Variants in GSE1 observed in about 807,000 individuals in gnomAD.
GSE1 encodes the protein genetic suppressor element 1.
Under a neutral mutation model 112.6 loss-of-function variants are expected in GSE1, and 32 were observed. The observed-to-expected ratio is 0.28, with a 90% CI of 0.21 to 0.38. The LOEUF (loss-of-function observed/expected upper bound fraction) is 0.38. Ranked by LOEUF, GSE1 falls within the 10% of genes least tolerant of loss-of-function variation. The probability of loss-of-function intolerance (pLI) is 1.00; values close to 1 mark genes in which losing one functional copy is unlikely to be tolerated. For synonymous variants in GSE1, 1,115 were observed against 735.6 expected, an observed-to-expected ratio of 1.52 and a Z score of -8.35; for missense variants, 2,348 against 1,699.2, an observed-to-expected ratio of 1.38 and a Z score of -6.71.
intron 1 of GSE1, among the ~76,000 whole-genome samples, chr16:85,180,146 C>T (rs562827793): frequency 1.2e-4 from 19 of 152,362 alleles, no homozygotes; most frequent in Non-Finnish European, 5.9e-5. Flanking sequence ...TGCTGCCTGG[C>T]CTGTCTGGCG....
At position 85,674,869 on chromosome 16, in the gene GSE1, C is replaced by CT. The variant is rs2053596138; in HGVS notation, c.*2331dup. 6.5e-6 allele frequency: 1 copy of CT among 152,714 alleles called. No homozygotes were observed. Among genetic ancestry groups the CT allele is most frequent in the Non-Finnish European group, 1.5e-5 (1 of 68,056 alleles). 9.5% of individuals were successfully genotyped at this position (152,714 alleles called of 1,614,324 possible). On this transcript the variant is annotated 3_prime_UTR_variant, in exon 16 of 16. Transcript: ENST00000253458. ...GGCCCTTGAGCTTCTTGCCCACTGT[C>CT]TCCCCATCCTTCCACCTACTTGTGG...
chr16:85,393,102 G>A (rs1191283370), intron 2 of GSE1, among the ~76,000 whole-genome samples: 3 of 152,326 alleles, frequency 2.0e-5, no homozygotes, highest in Admixed American at 6.5e-5. Context: ...GCTGCCTCTT[G>A]GAGGTCGGAA....
intron 2 of GSE1, among the ~76,000 whole-genome samples, chr16:85,467,621 G>C (rs1432443665): frequency 6.6e-6 from 1 of 152,094 alleles, no homozygotes; most frequent in East Asian, 1.9e-4. Flanking sequence ...ATCTTACTTG[G>C]CTCCCAGAGC....
At chr16:85,392,532 C>T (rs1023869215) in intron 2 of GSE1, among the ~76,000 whole-genome samples, 1 of 152,122 alleles carries the variant, frequency 6.6e-6, no homozygotes, top group South Asian at 2.1e-4. Flanking sequence ...TTCTAAAGCC[C>T]ATCAAACTGT....
intron 2 of GSE1, among the ~76,000 whole-genome samples, chr16:85,382,919 T>G (rs541557216): frequency 6.7e-6 from 1 of 149,050 alleles, no homozygotes; most frequent in Non-Finnish European, 1.5e-5. Context: ...CACACATACA[T>G]GCACACACGC....
At chr16:85,620,656 C>G (rs1175917876) in intron 1 of GSE1, among the ~76,000 whole-genome samples, 1 of 152,290 alleles carries the variant, frequency 6.6e-6, no homozygotes, top group South Asian at 2.1e-4. Context: ...GGAATCAGCC[C>G]TTGTGGAATG....
chr16:85,339,484 A>G (rs2046578111), intron 1 of GSE1, among the ~76,000 whole-genome samples: 1 of 150,328 alleles, frequency 6.7e-6, no homozygotes, highest in Non-Finnish European at 1.5e-5. Flanking sequence ...TCCCCTTTCC[A>G]CCCCAACTGG....
chr16:85,489,000 A>G (rs906856340), intron 2 of GSE1, among the ~76,000 whole-genome samples: 1 of 152,102 alleles, frequency 6.6e-6, no homozygotes, highest in Non-Finnish European at 1.5e-5. Context: ...TCCATGAGGC[A>G]ACATGGTACA....
At chr16:85,290,193 C>T (rs2045166242) in intron 1 of GSE1, among the ~76,000 whole-genome samples, 1 of 152,146 alleles carries the variant, frequency 6.6e-6, no homozygotes, top group Non-Finnish European at 1.5e-5. Flanking sequence ...TTGTGGCACT[C>T]CTGAGGGCAG....
upstream of GSE1, chr16:85,555,770 GAGGAGAGATTGCTACTCGC>G: frequency 1.1e-5 from 11 of 979,452 alleles, no homozygotes; most frequent in Non-Finnish European, 1.3e-5. Flanking sequence ...TGGCTGAATG[GAGGAGAGATTGCTACTCGC>G]ACGTCCTGGG....
chr16:85,196,147 C>G (rs866814547), intron 1 of GSE1, among the ~76,000 whole-genome samples: 2 of 152,144 alleles, frequency 1.3e-5, no homozygotes, highest in South Asian at 4.1e-4. Context: ...TTAAGAAAAA[C>G]GTATGGTTTC....
At chr16:85,478,863 C>G (rs1236070481) in intron 2 of GSE1, among the ~76,000 whole-genome samples, 2 of 30,272 alleles carry the variant, frequency 6.6e-5, no homozygotes, top group Admixed American at 3.8e-4. Flanking sequence ...TTCTTTCTTT[C>G]TTTCTTTCTT....
At chr16:85,267,499 G>T (rs562173220) in intron 1 of GSE1, among the ~76,000 whole-genome samples, 1 of 152,070 alleles carries the variant, frequency 6.6e-6, no homozygotes, top group East Asian at 1.9e-4. Context: ...ATGTGCGCAC[G>T]CATGTACAGG....
In GSE1 at chr16:85,661,706, G is replaced by C. The variant is rs751613874; in HGVS notation, c.2201G>C (p.Arg734Pro). The change falls in exon 9 of 16, where the codon CGG (arginine) becomes CCG (proline). Residue 734 changes from arginine (R) to proline (P), a missense_variant. Physicochemically the swap from Arg to Pro is moderately radical, Grantham distance 103. Transcript: ENST00000253458. Reference sequence around the variant, plus strand: ...TATGATGAGTTCCTGCAGCAGCGCCGGAGGCTGGTCAGCAAGCTGGACCTG... The same window carrying C: ...TATGATGAGTTCCTGCAGCAGCGCCCGAGGCTGGTCAGCAAGCTGGACCTG... ...YIYDEFLQQR[R>P]RLVSKLDLEE... 6.3e-7 allele frequency: 1 copy of C among 1,598,346 alleles called. No homozygotes were observed. Among genetic ancestry groups the C allele is most frequent in the Non-Finnish European group, 8.5e-7 (1 of 1,172,412 alleles).
At chr16:85,294,695 C>T (rs2045320711) in intron 1 of GSE1, among the ~76,000 whole-genome samples, 1 of 147,286 alleles carries the variant, frequency 6.8e-6, no homozygotes, top group Admixed American at 6.8e-5. Context: ...CCCTCCCCAC[C>T]CCCCACCAAA....
intron 1 of GSE1, among the ~76,000 whole-genome samples, chr16:85,620,096 G>A (rs972109183): frequency 6.6e-6 from 1 of 152,122 alleles, no homozygotes; most frequent in African/African-American, 2.4e-5. Context: ...TGCAGTTTAA[G>A]ACCTCCTCTC....
chr16:85,364,377 T>A (rs2047143706), intron 2 of GSE1, among the ~76,000 whole-genome samples: 1 of 152,212 alleles, frequency 6.6e-6, no homozygotes, highest in South Asian at 2.1e-4. Flanking sequence ...GTCAGCTGGT[T>A]AGCAACCTTA....
At chr16:85,584,636 C>A (rs1485490266) in intron 1 of GSE1, among the ~76,000 whole-genome samples, 1 of 152,088 alleles carries the variant, frequency 6.6e-6, no homozygotes, top group African/African-American at 2.4e-5. Context: ...TTGGCGAAAG[C>A]CATCTGAGGC....
chr16:85,569,506 G>A (rs1232440663), intron 1 of GSE1, among the ~76,000 whole-genome samples: 1 of 152,234 alleles, frequency 6.6e-6, no homozygotes, highest in Non-Finnish European at 1.5e-5. Flanking sequence ...GCTGCTGTGA[G>A]AATTAAAAGG....
Sources: allele counts gnomAD v4.1 joint callset (sites outside exome capture counted in the v4.1 genomes callset), GRCh38; gene constraint gnomAD v4.1.1; transcripts MANE v1.5; gene names NCBI Gene and HGNC (gene_info 2026-07-23, HGNC 2026-07-21).